The following PLXNA4 variants were observed in gnomAD, a reference collection of about 807,000 sequenced individuals.
The protein encoded by PLXNA4 is plexin-A4.
A neutral mutation model predicts 191.8 loss-of-function variants in PLXNA4; 44 were observed. That is an observed-to-expected ratio of 0.23 (90% confidence interval 0.18 to 0.29). The LOEUF (loss-of-function observed/expected upper bound fraction) is 0.29, where lower values mean the gene tolerates loss of function less well. Ranked by LOEUF, PLXNA4 falls within the 10% of genes least tolerant of loss-of-function variation. PLXNA4 has a pLI of 1.00. For missense variants in PLXNA4, 1,800 were observed against 2,488.8 expected (o/e 0.72, Z 5.89); for synonymous variants, 1,082 against 1,009.5 (o/e 1.07, Z -1.36).
At chr7:132,408,487 A>G (rs938459739) in intron 3 of PLXNA4, among the ~76,000 whole-genome samples, 3 of 117,638 alleles carry the variant, frequency 2.6e-5, no homozygotes, top group East Asian at 2.3e-4. Context: ...TTTTTGAGAG[A>G]GAGTCTCACT....
chr7:132,161,794 A>G (rs1450904662), intron 24 of PLXNA4, among the ~76,000 whole-genome samples: 2 of 151,778 alleles, frequency 1.3e-5, no homozygotes, highest in African/African-American at 4.9e-5. Context: ...TAGTGCTCTG[A>G]CAGGCTACCA....
chr7:132,307,454 C>T (rs896959494), intron 3 of PLXNA4, among the ~76,000 whole-genome samples: 2 of 152,206 alleles, frequency 1.3e-5, no homozygotes, highest in Admixed American at 6.5e-5. Context: ...AGAGTAGGTG[C>T]TCAATAAACA....
chr7:132,519,366 TG>T (rs1264638539), intron 1 of PLXNA4, among the ~76,000 whole-genome samples: 2 of 152,104 alleles, frequency 1.3e-5, no homozygotes, highest in Non-Finnish European at 2.9e-5. Context: ...TGCACAGAAA[TG>T]GGGGGACACC....
At chr7:132,547,079 T>C (rs1416820924) in intron 1 of PLXNA4, among the ~76,000 whole-genome samples, 1 of 152,200 alleles carries the variant, frequency 6.6e-6, no homozygotes, top group East Asian at 1.9e-4. Flanking sequence ...GCTAGCTCCA[T>C]GGTGATATTT....
Position 132,384,737 on chromosome 7 carries a change from G to C in PLXNA4, c.1372-86515C>G, listed in dbSNP as rs1805044820. The C allele has an allele frequency of 3.9e-6, 4 of 1,029,188 alleles. No individual in the cohort carries two copies. In the African/African-American group the frequency reaches 6.1e-5, roughly 16 times the overall value. 63.8% of individuals were successfully genotyped at this position (1,029,188 alleles called of 1,614,324 possible). A position where few individuals can be genotyped will look rare whatever the true frequency, so the allele number is the denominator to read the frequency against. ...GTATGCACACACACCTTTAAACACAGATAAGCATACACACACACACACACA... is the reference window on the plus strand; with the variant it reads ...GTATGCACACACACCTTTAAACACACATAAGCATACACACACACACACACA... On this transcript the variant is annotated intron_variant, in intron 3 of 31. Transcript: ENST00000321063.
chr7:132,297,873 C>A (rs1277224010), intron 4 of PLXNA4, among the ~76,000 whole-genome samples: 2 of 152,214 alleles, frequency 1.3e-5, no homozygotes, highest in Non-Finnish European at 2.9e-5. Context: ...TTGTTTTAGA[C>A]TCTCCAATAT....
intron 4 of PLXNA4, among the ~76,000 whole-genome samples, chr7:132,272,044 T>C (rs145717675): frequency 2.2e-3 from 340 of 152,284 alleles, no homozygotes; most frequent in African/African-American, 8.1e-3. Flanking sequence ...GGGAAGACAC[T>C]TGTTACCAGG....
chr7:132,576,480 G>A (rs1802244318), upstream of PLXNA4: 6 of 985,624 alleles, frequency 6.1e-6, no homozygotes, highest in Non-Finnish European at 7.2e-6. This position sits in a 1 kb window ranked among gnomAD's most constrained non-coding sequence, Gnocchi z 5.8. Context: ...TGCAGATGGA[G>A]CCTATGCCGC....
intron 2 of PLXNA4, among the ~76,000 whole-genome samples, chr7:132,626,630 A>T (rs1156318189): frequency 6.6e-6 from 1 of 152,162 alleles, no homozygotes. Flanking sequence ...GCTTTCCACC[A>T]TGTGTAAAAG....
At chr7:132,523,292 C>A (rs1259425095) in intron 1 of PLXNA4, among the ~76,000 whole-genome samples, 1 of 152,224 alleles carries the variant, frequency 6.6e-6, no homozygotes, top group East Asian at 1.9e-4. Flanking sequence ...AGCGTGACCT[C>A]AGAGAGACCA....
chr7:132,579,438 CGTGTGTGT>C (rs113591004), upstream of PLXNA4, among the ~76,000 whole-genome samples: 2 of 145,412 alleles, frequency 1.4e-5, no homozygotes. Flanking sequence ...TGTGTGTGTG[CGTGTGTGT>C]GTGTGTGTGC....
In PLXNA4 at chr7:132,182,172, G is replaced by A. The variant is rs368848735; in HGVS notation, c.3177C>T (p.Ala1059=). 79 of 1,614,136 alleles carry A rather than the reference G, an allele frequency of 4.9e-5. 1 individual carries two copies. The African/African-American group carries it at 5.3e-4, about 11-fold the overall frequency. ...TGAGGTCCAGGTGGGTCCCCCATAC[G>A]GCGATGGGTGTGTTTCCACTGAGCA... ...WSIVSGNTPI[A]VWGTHLDLIQ... is the part of the protein sequence containing the mutation. Residue 1059 remains alanine, a synonymous_variant, in exon 17 of 32, where the codon GCC becomes GCT. Coordinates refer to ENST00000321063, the MANE Select transcript of PLXNA4 (RefSeq NM_020911.2).
chr7:132,554,816 A>G (rs1054290090), intron 1 of PLXNA4, among the ~76,000 whole-genome samples: 1 of 152,170 alleles, frequency 6.6e-6, no homozygotes, highest in African/African-American at 2.4e-5. Context: ...AAGTATGCAA[A>G]CACCATGTAC....
chr7:132,444,115 T>C (rs533204136), intron 3 of PLXNA4, among the ~76,000 whole-genome samples: 1 of 152,386 alleles, frequency 6.6e-6, no homozygotes, highest in South Asian at 2.1e-4. Flanking sequence ...TACCCTTTTC[T>C]AGAATCTGAA....
At chr7:132,381,245 AGG>A (rs1482818128) in intron 3 of PLXNA4, among the ~76,000 whole-genome samples, 3 of 152,216 alleles carry the variant, frequency 2.0e-5, no homozygotes, top group African/African-American at 7.2e-5. Context: ...AGCTGGCGTG[AGG>A]CAGAGACAGG....
chr7:132,283,073 G>A (rs1003864435), intron 4 of PLXNA4, among the ~76,000 whole-genome samples: 1 of 151,928 alleles, frequency 6.6e-6, no homozygotes, highest in Non-Finnish European at 1.5e-5. Flanking sequence ...ATTTCACCAC[G>A]TTGCCCAGGC....
At chr7:132,406,280 T>A (rs1355331970) in intron 3 of PLXNA4, among the ~76,000 whole-genome samples, 1 of 152,200 alleles carries the variant, frequency 6.6e-6, no homozygotes, top group African/African-American at 2.4e-5. Flanking sequence ...GAGTATTTTT[T>A]CCGTGGCCCA....
intron 21 of PLXNA4, among the ~76,000 whole-genome samples, chr7:132,171,024 C>T (rs1324165934): frequency 6.6e-6 from 1 of 152,202 alleles, no homozygotes; most frequent in Admixed American, 6.5e-5. Flanking sequence ...CCACTGGGGG[C>T]TGATGAGGGA....
chr7:132,644,263 G>A (rs928122588), intron 2 of PLXNA4, among the ~76,000 whole-genome samples: 7 of 152,162 alleles, frequency 4.6e-5, no homozygotes, highest in African/African-American at 9.7e-5. Context: ...CTCATGGGAC[G>A]GTTGCAAGGT....
Sources: allele counts gnomAD v4.1 joint callset (sites outside exome capture counted in the v4.1 genomes callset), GRCh38; gene constraint gnomAD v4.1.1; non-coding constraint Gnocchi (gnomAD v3.1); transcripts MANE v1.5; gene names NCBI Gene and HGNC (gene_info 2026-07-23, HGNC 2026-07-21).